The following CHCHD3 variants were observed in gnomAD, a reference collection of about 807,000 sequenced individuals.
CHCHD3 encodes coiled-coil-helix-coiled-coil-helix domain containing 3.
A neutral mutation model predicts 38.2 loss-of-function variants in CHCHD3; 20 were observed. The ratio of observed to expected loss-of-function variants is 0.52; its 90% CI spans 0.37 to 0.76. CHCHD3 has a LOEUF of 0.76. Ranked by LOEUF, CHCHD3 falls within the 30% of genes least tolerant of loss-of-function variation. The probability of loss-of-function intolerance (pLI) is 0.00; values close to 1 mark genes in which losing one functional copy is unlikely to be tolerated. For missense variants in CHCHD3, 245 were observed against 279.2 expected, an observed-to-expected ratio of 0.88 and a Z score of 0.87; for synonymous variants, 82 against 100.0, an observed-to-expected ratio of 0.82 and a Z score of 1.07.
chr7:132,878,684 T>C (rs1162873238), intron 5 of CHCHD3, among the ~76,000 whole-genome samples: 2 of 152,226 alleles, frequency 1.3e-5, no homozygotes, highest in African/African-American at 4.8e-5. Flanking sequence ...GTCTGAAAAC[T>C]GAAAGCAATC....
chr7:133,034,285 C>G (rs934002668), intron 2 of CHCHD3, among the ~76,000 whole-genome samples: 4 of 152,038 alleles, frequency 2.6e-5, no homozygotes, highest in Admixed American at 1.3e-4. Flanking sequence ...TATAATAATT[C>G]ACAGAGATTC....
At chr7:133,051,647 A>G (rs1814170303) in intron 2 of CHCHD3, among the ~76,000 whole-genome samples, 1 of 152,196 alleles carries the variant, frequency 6.6e-6, no homozygotes, top group Non-Finnish European at 1.5e-5. Flanking sequence ...ACACATATGT[A>G]TATGTATGAA....
intron 4 of CHCHD3, among the ~76,000 whole-genome samples, chr7:132,949,789 C>T (rs1360564907): frequency 6.6e-6 from 1 of 151,996 alleles, no homozygotes; most frequent in Non-Finnish European, 1.5e-5. Context: ...AAAAATACCA[C>T]CTCTTCACAA....
chr7:132,961,586 T>C (rs1205298140), intron 4 of CHCHD3, among the ~76,000 whole-genome samples: 1 of 152,234 alleles, frequency 6.6e-6, no homozygotes, highest in Non-Finnish European at 1.5e-5. Context: ...ATCTCACACC[T>C]GTGCGTGTGC....
intron 6 of CHCHD3, among the ~76,000 whole-genome samples, chr7:132,814,738 G>A (rs1189559295): frequency 6.6e-6 from 1 of 152,212 alleles, no homozygotes; most frequent in Non-Finnish European, 1.5e-5. Context: ...TATGTGAAAA[G>A]CCTGTAAAAT....
At chr7:133,055,892 C>T (rs1201356897) in intron 2 of CHCHD3, among the ~76,000 whole-genome samples, 6 of 152,014 alleles carry the variant, frequency 3.9e-5, no homozygotes, top group South Asian at 4.1e-4. Flanking sequence ...CCTGTAATCA[C>T]GCCTGTGCTT....
intron 3 of CHCHD3, among the ~76,000 whole-genome samples, chr7:132,992,311 A>G (rs1436753335): frequency 6.6e-6 from 1 of 151,902 alleles, no homozygotes; most frequent in Non-Finnish European, 1.5e-5. Flanking sequence ...CTACTGGCAC[A>G]CTCTTGAAAA....
chr7:132,906,553 C>G (rs1164344694), intron 4 of CHCHD3, among the ~76,000 whole-genome samples: 3 of 152,114 alleles, frequency 2.0e-5, no homozygotes, highest in African/African-American at 7.2e-5. Flanking sequence ...TAAAACCAAA[C>G]ACGGTGCCCC....
chr7:132,953,248 G>A (rs1273231596), intron 4 of CHCHD3, among the ~76,000 whole-genome samples: 2 of 152,182 alleles, frequency 1.3e-5, no homozygotes, highest in Non-Finnish European at 2.9e-5. Context: ...GTATTGAGAT[G>A]TAATGAAGAC....
intron 2 of CHCHD3, among the ~76,000 whole-genome samples, chr7:133,029,543 T>C (rs1017107845): frequency 6.6e-6 from 1 of 152,202 alleles, no homozygotes; most frequent in African/African-American, 2.4e-5. Flanking sequence ...CATATCTTCA[T>C]AGTGCACTTT....
chr7:132,960,064 A>G (rs945594603), intron 4 of CHCHD3, among the ~76,000 whole-genome samples: 2 of 152,194 alleles, frequency 1.3e-5, no homozygotes, highest in African/African-American at 2.4e-5. Flanking sequence ...CCTTTGTTGC[A>G]ATCAGAATTG....
chr7:132,973,687 AC>A lies in CHCHD3; in HGVS notation c.369+1481del, dbSNP rs1811669942. The A allele has an allele frequency of 8.7e-6, 9 of 1,028,644 alleles. No homozygotes were observed. The South Asian group carries it at 3.3e-4, about 37-fold the overall frequency. The allele number at this position is 1,028,644 out of a possible 1,614,324, so 63.7% of individuals were successfully genotyped here. Reference sequence around the variant, plus strand: ...TTGTCACTGAAGAAACTGATTCATTACGCATGGACTTCCTTTCATGTTCTCT... The same window carrying A: ...TTGTCACTGAAGAAACTGATTCATTAGCATGGACTTCCTTTCATGTTCTCT... On this transcript the variant is annotated intron_variant, in intron 4 of 7. Coordinates refer to ENST00000262570, the MANE Select transcript of CHCHD3 (RefSeq NM_017812.4).
At chr7:132,868,738 T>C (rs753301053) in intron 5 of CHCHD3, among the ~76,000 whole-genome samples, 1 of 152,184 alleles carries the variant, frequency 6.6e-6, no homozygotes, top group Non-Finnish European at 1.5e-5. Flanking sequence ...GCCTCTGGAA[T>C]AGAATCCAAA....
At chr7:133,037,742 A>G (rs1260447502) in intron 2 of CHCHD3, among the ~76,000 whole-genome samples, 1 of 152,170 alleles carries the variant, frequency 6.6e-6, no homozygotes, top group Non-Finnish European at 1.5e-5. Flanking sequence ...AAACCCGGGA[A>G]GCAGAGGTCG....
At chr7:132,932,977 TGG>T (rs1427466562) in intron 4 of CHCHD3, among the ~76,000 whole-genome samples, 1 of 152,026 alleles carries the variant, frequency 6.6e-6, no homozygotes, top group East Asian at 1.9e-4. Context: ...AAAAAGAAAA[TGG>T]CAAAAAGCAA....
At chr7:132,789,031 C>T (rs1806392436) in intron 7 of CHCHD3, among the ~76,000 whole-genome samples, 1 of 152,164 alleles carries the variant, frequency 6.6e-6, no homozygotes, top group African/African-American at 2.4e-5. Flanking sequence ...AAAACCTGCT[C>T]CAACTCAGAA....
chr7:132,844,229 C>CA (rs547320252), intron 5 of CHCHD3, among the ~76,000 whole-genome samples: 1 of 152,266 alleles, frequency 6.6e-6, no homozygotes, highest in Non-Finnish European at 1.5e-5. Context: ...ACCCAGGAGT[C>CA]AGAGGTTGCA....
chr7:132,848,979 T>C (rs1562884495), intron 5 of CHCHD3: 2 of 152,220 alleles, frequency 1.3e-5, no homozygotes, highest in South Asian at 2.1e-4. Context: ...CATCGGTTCA[T>C]ATTCACAGTA....
chr7:132,912,005 C>T (rs977150898), intron 4 of CHCHD3, among the ~76,000 whole-genome samples: 5 of 152,196 alleles, frequency 3.3e-5, no homozygotes, highest in Admixed American at 3.3e-4. Flanking sequence ...GCAAACACAA[C>T]AAACGTGAAT....
Sources: allele counts gnomAD v4.1 joint callset (sites outside exome capture counted in the v4.1 genomes callset), GRCh38; gene constraint gnomAD v4.1.1; transcripts MANE v1.5; gene names NCBI Gene and HGNC (gene_info 2026-07-23, HGNC 2026-07-21).